Variants in SLC41A2 observed in about 807,000 individuals in gnomAD.
The protein encoded by SLC41A2 is solute carrier family 41 member 2, also known as SLC41A1-like 1.
In SLC41A2, 32 loss-of-function variants were observed where a neutral mutation model predicts 58.3. That is an observed-to-expected ratio of 0.55 (90% CI 0.41 to 0.74). The LOEUF (loss-of-function observed/expected upper bound fraction) is 0.74. SLC41A2 is among the 30% of genes least tolerant of loss of function. The pLI is 0.00. For synonymous variants in SLC41A2, 190 were observed against 235.0 expected (o/e 0.81, Z 1.75); for missense variants, 514 against 680.6 (o/e 0.76, Z 2.72).
intron 6 of SLC41A2, among the ~76,000 whole-genome samples, chr12:104,871,261 C>T (rs1328488452): frequency 2.0e-5 from 3 of 152,114 alleles, no homozygotes; most frequent in Non-Finnish European, 4.4e-5. Context: ...ATTAGATAGC[C>T]ATGCAGTTAT....
chr12:104,864,475 T>C (rs745842105), intron 7 of SLC41A2, among the ~76,000 whole-genome samples: 3 of 152,218 alleles, frequency 2.0e-5, no homozygotes, highest in Non-Finnish European at 4.4e-5. Flanking sequence ...TTATTTTTTC[T>C]CTGGAAACAT....
chr12:104,866,380 G>GCA (rs1565854101), intron 7 of SLC41A2, 52 bp downstream of exon 7: 25 of 1,381,660 alleles, frequency 1.8e-5, no homozygotes, highest in Admixed American at 2.5e-5. Flanking sequence ...ACAGACAGAC[G>GCA]TACACACACA....
intron 2 of SLC41A2, 110 bp downstream of exon 2, chr12:104,927,863 T>C (rs996376666): frequency 9.9e-7 from 1 of 1,010,360 alleles, no homozygotes; most frequent in Admixed American, 3.2e-5. Context: ...TACCAAGGGA[T>C]AAATTAAATC....
At chr12:104,912,836 C>T (rs7956647) in intron 2 of SLC41A2, among the ~76,000 whole-genome samples, 187 of 152,248 alleles carry the variant, frequency 1.2e-3, no homozygotes, top group African/African-American at 4.5e-3. Context: ...TGGATAATGT[C>T]AGAATTGAAT....
At chr12:104,860,593 A>AT (rs368596323) in intron 8 of SLC41A2, among the ~76,000 whole-genome samples, 4 of 148,516 alleles carry the variant, frequency 2.7e-5, no homozygotes, top group Admixed American at 6.7e-5. Flanking sequence ...TTTTTCTTTT[A>AT]TTTTTTTTTA....
chr12:104,821,648 A>G (rs1344371265), intron 10 of SLC41A2, among the ~76,000 whole-genome samples: 2 of 152,226 alleles, frequency 1.3e-5, no homozygotes, highest in Non-Finnish European at 2.9e-5. Context: ...AAACTTAAAA[A>G]CATGTTGAAA....
In SLC41A2 at chr12:104,905,456, G is replaced by A. The variant is rs575952315; in HGVS notation, c.663+4199C>T. On this transcript the variant is annotated intron_variant, in intron 3 of 10. Coordinates refer to ENST00000258538, the MANE Select transcript of SLC41A2 (RefSeq NM_001352171.3). ...AGGAGCCCAGCTGGCTTCACCTAGT[G>A]GATCCCGCACCGGGGCTGCAGGTGG... Among the ~76,000 whole-genome samples, 4 of 152,356 alleles carry A rather than the reference G, an allele frequency of 2.6e-5. No homozygotes were observed. In the South Asian group the frequency reaches 8.3e-4, roughly 32 times the overall value.
chr12:104,804,487 C>T lies in SLC41A2; in HGVS notation c.*665G>A, dbSNP rs1309808249. 6.6e-6 allele frequency: 1 copy of T among 152,182 alleles called. No individual in the cohort carries two copies. The highest frequency in any genetic ancestry group is 1.5e-5 in the Non-Finnish European group (1 of 68,024). The allele number at this position is 152,182 out of a possible 1,614,324, so 9.4% of individuals were successfully genotyped here. On this transcript the variant is annotated 3_prime_UTR_variant, in exon 11 of 11. Coordinates refer to ENST00000258538, the MANE Select transcript of SLC41A2 (RefSeq NM_001352171.3). ...TCAATCATCAAAAAATGACTCACTGCTTTCATTAACAATCTCTCAAGATCA... is the reference window on the plus strand; with the variant it reads ...TCAATCATCAAAAAATGACTCACTGTTTTCATTAACAATCTCTCAAGATCA...
intron 3 of SLC41A2, among the ~76,000 whole-genome samples, 189 bp from the exon 4 acceptor site, chr12:104,895,534 T>A (rs1288531662): frequency 6.6e-6 from 1 of 152,162 alleles, no homozygotes; most frequent in African/African-American, 2.4e-5. Flanking sequence ...GACTAACATG[T>A]TTAGAGAAAA....
chr12:104,899,854 G>A (rs2045476027), intron 3 of SLC41A2, among the ~76,000 whole-genome samples: 1 of 151,988 alleles, frequency 6.6e-6, no homozygotes, highest in African/African-American at 2.4e-5. Flanking sequence ...TCAAGTGTAG[G>A]CCCCTCTCAC....
chr12:104,833,386 C>T (rs2042104557), intron 10 of SLC41A2, among the ~76,000 whole-genome samples: 1 of 152,142 alleles, frequency 6.6e-6, no homozygotes, highest in South Asian at 2.1e-4. Context: ...GACATTAGTC[C>T]AAATATGCTT....
chr12:104,916,726 G>A (rs977432500), intron 2 of SLC41A2, among the ~76,000 whole-genome samples: 5 of 152,238 alleles, frequency 3.3e-5, no homozygotes, highest in Non-Finnish European at 4.4e-5. Context: ...AATGGGGAAA[G>A]AATTTCCTAT....
At chr12:104,920,842 T>A (rs914305389) in intron 2 of SLC41A2, among the ~76,000 whole-genome samples, 1 of 151,992 alleles carries the variant, frequency 6.6e-6, no homozygotes, top group Non-Finnish European at 1.5e-5. Context: ...GAGAATGGCA[T>A]GAACCTGGGA....
At chr12:104,845,248 A>G (rs1398760178) in intron 9 of SLC41A2, among the ~76,000 whole-genome samples, 1 of 152,130 alleles carries the variant, frequency 6.6e-6, no homozygotes, top group Non-Finnish European at 1.5e-5. Context: ...CTGTGATGGT[A>G]CCACTATTCT....
chr12:104,953,781 C>A (rs1412073082), intron 1 of SLC41A2, among the ~76,000 whole-genome samples: 3 of 152,082 alleles, frequency 2.0e-5, no homozygotes, highest in Non-Finnish European at 4.4e-5. Context: ...AGTCTGATCT[C>A]AATTTGACTA....
intron 10 of SLC41A2, among the ~76,000 whole-genome samples, chr12:104,843,689 G>T (rs1009591715): frequency 6.6e-6 from 1 of 151,940 alleles, no homozygotes; most frequent in Non-Finnish European, 1.5e-5. Context: ...CACAAAAATA[G>T]AAGAAAACAG....
Position 104,886,152 on chromosome 12 carries a change from AC to A in SLC41A2, c.1027+140del, listed in dbSNP as rs768094430. On this transcript the variant is annotated intron_variant, in intron 6 of 10. Coordinates refer to ENST00000258538, the MANE Select transcript of SLC41A2 (RefSeq NM_001352171.3). ...AATCATAACACATAGTAGGTATAAAACAAATGATAGTTATCCTAATCAGTCT... is the reference window on the plus strand; with the variant it reads ...AATCATAACACATAGTAGGTATAAAAAAATGATAGTTATCCTAATCAGTCT... The A allele has an allele frequency of 2.6e-4, 217 of 829,262 alleles. 1 individual carries two copies. Among genetic ancestry groups the A allele is most frequent in the Middle Eastern group, 6.9e-4 (2 of 2,894 alleles). The allele number at this position is 829,262 out of a possible 1,614,324, so 51.4% of individuals were successfully genotyped here.
intron 10 of SLC41A2, among the ~76,000 whole-genome samples, chr12:104,820,704 C>T (rs1396273458): frequency 2.6e-5 from 4 of 151,894 alleles, no homozygotes; most frequent in African/African-American, 7.3e-5. Context: ...TGCAATGGTG[C>T]GATCTTGGCC....
At chr12:104,899,005 AC>A (rs2135721908) in intron 3 of SLC41A2, among the ~76,000 whole-genome samples, 1 of 152,204 alleles carries the variant, frequency 6.6e-6, no homozygotes, top group South Asian at 2.1e-4. Context: ...AGCAACAGGA[AC>A]TCTCATTCAT....
Sources: gnomAD v4.1 joint callset for allele counts (sites outside exome capture counted in the v4.1 genomes callset) on GRCh38, gnomAD v4.1.1 for gene constraint, MANE v1.5 for transcripts, NCBI Gene and HGNC (gene_info 2026-07-23, HGNC 2026-07-21) for gene names.